The following IL23R variants were observed in gnomAD, a reference collection of about 807,000 sequenced individuals.
IL23R encodes interleukin-23 receptor.
Under a neutral mutation model 56.9 loss-of-function variants are expected in IL23R, and 34 were observed. That is an observed-to-expected ratio of 0.60 (90% CI 0.45 to 0.80). The LOEUF is 0.80. Ranked by LOEUF, IL23R falls within the 30% of genes least tolerant of loss-of-function variation. IL23R has a pLI of 0.00. For synonymous variants in IL23R, 230 were observed against 249.2 expected (o/e 0.92, Z 0.73); for missense variants, 635 against 730.0 (o/e 0.87, Z 1.50).
Position 67,258,988 on chromosome 1 carries a change from A to C in IL23R, c.1750A>C (p.Ile584Leu). The C allele has an allele frequency of 6.2e-7, 1 of 1,614,152 alleles. No individual in the cohort carries two copies. ...GGAAAATGATTCACCCAGTGAAACT[A>C]TTCCAGAACAGACCCTGCTTCCTGA... is the stretch of plus-strand genomic sequence containing the variant. ...LLENDSPSET[I>L]PEQTLLPDEF... Residue 584 changes from isoleucine (I) to leucine (L), a missense_variant, in exon 11 of 11, where the codon ATT becomes CTT. Ile to Leu is a conservative substitution (Grantham distance 5). Transcript: ENST00000347310.
intron 5 of IL23R, among the ~76,000 whole-genome samples, chr1:67,201,664 A>T (rs1454256339): frequency 6.6e-6 from 1 of 151,732 alleles, no homozygotes. Flanking sequence ...TTGGGGACTT[A>T]TGTAAGGTTT....
At chr1:67,200,973 G>C (rs1160894756) in intron 5 of IL23R, 76 bp downstream of exon 5, 5 of 1,456,332 alleles carry the variant, frequency 3.4e-6, no homozygotes, top group Non-Finnish European at 4.8e-6. Context: ...GTCTAGATCT[G>C]AAAGAAGTTC....
intron 9 of IL23R, among the ~76,000 whole-genome samples, chr1:67,240,957 G>A (rs1651806397): frequency 6.6e-6 from 1 of 152,240 alleles, no homozygotes; most frequent in African/African-American, 2.4e-5. Context: ...TCTATGAGTG[G>A]TTGGAGTATG....
At chr1:67,204,343 G>A (rs941319854) in intron 5 of IL23R, among the ~76,000 whole-genome samples, 5 of 152,186 alleles carry the variant, frequency 3.3e-5, no homozygotes, top group Non-Finnish European at 5.9e-5. Context: ...TAAAATGTAA[G>A]ATCTGGTGGA....
In IL23R at chr1:67,248,834, C is replaced by T. The variant is rs534830895; in HGVS notation, c.1149-7003C>T. ...CTCCTGATCTGCTGGTTGTGAAGAC[C>T]GTGGGGAAAGCACAGTATCTGGGCC... On this transcript the variant is annotated intron_variant, in intron 9 of 10. Transcript: ENST00000347310. Among the ~76,000 whole-genome samples, 27 of 152,264 alleles carry T rather than the reference C, an allele frequency of 1.8e-4. 1 individual carries two copies. The highest frequency in any genetic ancestry group is 4.6e-4 in the Admixed American group (7 of 15,296).
At chr1:67,159,465 C>T (rs1283270010) in intron 1 of IL23R, among the ~76,000 whole-genome samples, 1 of 152,174 alleles carries the variant, frequency 6.6e-6, no homozygotes, top group Non-Finnish European at 1.5e-5. Flanking sequence ...TAAACCTCTG[C>T]AATTAAACCT....
At chr1:67,203,146 T>A (rs1165314806) in intron 5 of IL23R, among the ~76,000 whole-genome samples, 1 of 152,146 alleles carries the variant, frequency 6.6e-6, no homozygotes, top group African/African-American at 2.4e-5. Context: ...ACCATTCTGA[T>A]CTTAATATCA....
intron 4 of IL23R, among the ~76,000 whole-genome samples, chr1:67,189,576 T>A (rs184211825): frequency 3.1e-4 from 47 of 152,254 alleles, no homozygotes; most frequent in Admixed American, 2.8e-3. Context: ...CTTATAAATA[T>A]AGACAGGTCA....
intron 7 of IL23R, among the ~76,000 whole-genome samples, chr1:67,223,701 A>G (rs1008674313): frequency 1.3e-5 from 2 of 152,110 alleles, no homozygotes; most frequent in Non-Finnish European, 2.9e-5. Flanking sequence ...ACTATTTTAT[A>G]TCCTGATTTT....
At chr1:67,189,012 C>A (rs1390311685) in intron 4 of IL23R, among the ~76,000 whole-genome samples, 1 of 151,670 alleles carries the variant, frequency 6.6e-6, no homozygotes, top group African/African-American at 2.4e-5. Context: ...TAATGTAAAG[C>A]CATAAAAATT....
At chr1:67,205,591 G>A (rs1050782355) in intron 5 of IL23R, among the ~76,000 whole-genome samples, 7 of 152,158 alleles carry the variant, frequency 4.6e-5, no homozygotes, top group African/African-American at 1.2e-4. Context: ...GAAACATAGC[G>A]ATTCCAACTA....
At chr1:67,211,807 T>C (rs1447808549) in intron 6 of IL23R, among the ~76,000 whole-genome samples, 7 of 152,184 alleles carry the variant, frequency 4.6e-5, no homozygotes, top group African/African-American at 1.7e-4. Context: ...TGGTGCTACA[T>C]AGGCCATCTT....
chr1:67,228,955 T>C (rs1650920538), intron 7 of IL23R, among the ~76,000 whole-genome samples: 1 of 152,206 alleles, frequency 6.6e-6, no homozygotes, highest in African/African-American at 2.4e-5. Context: ...CAATTTCTCT[T>C]GCTATATAGT....
intron 6 of IL23R, among the ~76,000 whole-genome samples, chr1:67,210,067 T>C (rs1403218872): frequency 6.6e-6 from 1 of 152,226 alleles, no homozygotes; most frequent in Non-Finnish European, 1.5e-5. Flanking sequence ...AAGTGTATAG[T>C]TCAGAGTGTA....
intron 9 of IL23R, 24 bp downstream of exon 9, chr1:67,240,305 T>C: frequency 6.6e-7 from 1 of 1,518,432 alleles, no homozygotes; most frequent in Non-Finnish European, 9.1e-7. Context: ...GAATTTCTGT[T>C]TTCTGATTTA....
chr1:67,261,599 G>A (rs934482230), downstream of IL23R, among the ~76,000 whole-genome samples: 4 of 152,080 alleles, frequency 2.6e-5, no homozygotes, highest in South Asian at 4.2e-4. Flanking sequence ...GTAAATTGCC[G>A]TATGCCTTTG....
At chr1:67,232,003 G>C (rs1225491631) in intron 7 of IL23R, 1 of 152,186 alleles carries the variant, frequency 6.6e-6, no homozygotes, top group Non-Finnish European at 1.5e-5. Flanking sequence ...TTGGGTGATG[G>C]TGTGAGACTC....
chr1:67,204,174 C>G (rs1397543379), intron 5 of IL23R, among the ~76,000 whole-genome samples: 1 of 152,180 alleles, frequency 6.6e-6, no homozygotes, highest in Non-Finnish European at 1.5e-5. Context: ...CGCCATTCTC[C>G]TGCCTCAGCC....
intron 1 of IL23R, among the ~76,000 whole-genome samples, chr1:67,142,686 C>T (rs998099603): frequency 1.3e-5 from 2 of 152,144 alleles, no homozygotes; most frequent in African/African-American, 4.8e-5. Context: ...CTGTCTCAGC[C>T]TTACAAGTAG....
Sources: allele counts gnomAD v4.1 joint callset (sites outside exome capture counted in the v4.1 genomes callset), GRCh38; gene constraint gnomAD v4.1.1; transcripts MANE v1.5; gene names NCBI Gene and HGNC (gene_info 2026-07-23, HGNC 2026-07-21).